The following DHTKD1 variants were observed in gnomAD, a reference collection of about 807,000 sequenced individuals.
DHTKD1 encodes the protein dehydrogenase E1 and transketolase domain containing 1.
A neutral mutation model predicts 101.8 loss-of-function variants in DHTKD1; 78 were observed. The observed-to-expected ratio is 0.77, with a 90% CI of 0.64 to 0.93. The LOEUF (loss-of-function observed/expected upper bound fraction) is 0.93, where lower values mean the gene tolerates loss of function less well. Among genes scored for constraint, DHTKD1 ranks in the 40% least tolerant of loss-of-function variants. The pLI is 0.00. For missense variants in DHTKD1, 1,223 were observed against 1,161.7 expected, an observed-to-expected ratio of 1.05 and a Z score of -0.77; for synonymous variants, 462 against 450.3, an observed-to-expected ratio of 1.03 and a Z score of -0.33.
At chr10:12,083,083 G>A (rs935967017) in intron 2 of DHTKD1, among the ~76,000 whole-genome samples, 6 of 152,062 alleles carry the variant, frequency 3.9e-5, no homozygotes, top group Admixed American at 3.3e-4. Flanking sequence ...GCGTGAAGCC[G>A]GGAAGCGGAG....
Position 12,110,349 on chromosome 10 carries a change from T to C in DHTKD1, c.2154+2334T>C, listed in dbSNP as rs1722463. On this transcript the variant is annotated intron_variant, in intron 12 of 16. Transcript: ENST00000263035. This position sits in a 1 kb window ranked among gnomAD's most constrained non-coding sequence, Gnocchi z 4.9. ...ATTCATAAACTTTCTTAAAACATTA[T>C]TTGTGATTTTTTTTTTTTACCTTAT... 0.88 allele frequency among the ~76,000 whole-genome samples: 134,125 copies of C among 151,986 alleles called. 59,271 individuals are homozygous for C. The highest frequency in any genetic ancestry group is 0.98 in the East Asian group (5,067 of 5,180).
Position 12,089,022 on chromosome 10 carries a change from C to T in DHTKD1, c.754C>T (p.Pro252Ser), listed in dbSNP as rs1366051858. The T allele has an allele frequency of 6.2e-7, 1 of 1,614,028 alleles. No homozygotes were observed. Among genetic ancestry groups the T allele is most frequent in the South Asian group, 1.1e-5 (1 of 91,068 alleles). ...FRKMRGLSEFPENFSATGDVL... is the reference protein window; with the variant it reads ...FRKMRGLSEFSENFSATGDVL... ...TAAAATGCGAGGCTTAAGTGAATTT[C>T]CAGAGAATTTCTCAGCCACTGGAGA... is the stretch of plus-strand genomic sequence containing the variant. Residue 252 changes from proline (P) to serine (S), a missense_variant, in exon 5 of 17, where the codon CCA becomes TCA. By Grantham distance (74) the Pro-to-Ser change is moderately conservative. Coordinates refer to ENST00000263035, the MANE Select transcript of DHTKD1 (RefSeq NM_018706.7).
intron 1 of DHTKD1, among the ~76,000 whole-genome samples, chr10:12,069,556 TC>T (rs1457264709): frequency 7.5e-6 from 1 of 133,442 alleles, no homozygotes; most frequent in Non-Finnish European, 1.6e-5. Context: ...GGAGTCTCGC[TC>T]TGTGGCCCAG....
At chr10:12,074,632 A>T (rs949205656) in intron 1 of DHTKD1, among the ~76,000 whole-genome samples, 2 of 142,838 alleles carry the variant, frequency 1.4e-5, no homozygotes, top group Non-Finnish European at 3.0e-5. Context: ...TGCTGGGATT[A>T]GAGGCGTGAG....
chr10:12,119,615 C>G (rs1467035734), intron 15 of DHTKD1, among the ~76,000 whole-genome samples: 1 of 89,376 alleles, frequency 1.1e-5, no homozygotes, highest in Non-Finnish European at 2.2e-5. Context: ...GACTCCGTCT[C>G]AAAAAAAAAA....
intron 10 of DHTKD1, 62 bp downstream of exon 10, chr10:12,101,243 T>C: frequency 6.5e-7 from 1 of 1,548,608 alleles, no homozygotes; most frequent in Non-Finnish European, 8.7e-7. Flanking sequence ...CCAGGATTCT[T>C]AGAACAAGTA....
At chr10:12,091,328 C>G (rs185184435) in intron 5 of DHTKD1, among the ~76,000 whole-genome samples, 185 bp from the exon 6 acceptor site, 107 of 141,544 alleles carry the variant, frequency 7.6e-4, no homozygotes, top group African/African-American at 2.7e-3. Context: ...AGGAGAATCA[C>G]TTGAACCCGG....
intron 1 of DHTKD1, among the ~76,000 whole-genome samples, chr10:12,071,019 T>G (rs1364719538): frequency 6.6e-6 from 1 of 152,162 alleles, no homozygotes; most frequent in Non-Finnish European, 1.5e-5. Context: ...CCATCAGCTT[T>G]CTAGGTGGAA....
intron 5 of DHTKD1, among the ~76,000 whole-genome samples, chr10:12,090,407 T>TCC (rs755290569): frequency 1.8e-3 from 31 of 17,324 alleles, no homozygotes; most frequent in African/African-American, 2.7e-3. Flanking sequence ...CTTCCTTCCT[T>TCC]TTTTCCTTCC....
intron 1 of DHTKD1, among the ~76,000 whole-genome samples, chr10:12,073,313 A>G (rs1202458295): frequency 6.6e-6 from 1 of 151,838 alleles, no homozygotes; most frequent in Non-Finnish European, 1.5e-5. Flanking sequence ...GATTATAGGC[A>G]TGAGCCACTG....
rs1288679729 is a variant in DHTKD1, at chr10:12,103,491, C to CCGTGTGTG, written c.1896+2310_1896+2311insCGTGTGTG. On this transcript the variant is annotated intron_variant, in intron 10 of 16. Coordinates refer to ENST00000263035, the MANE Select transcript of DHTKD1 (RefSeq NM_018706.7). The surrounding 1 kb of genome is among the most constrained non-coding windows in gnomAD (Gnocchi z 4.8). ...CCCCAACTTCGTTGTACATCTCAAT[C>CCGTGTGTG]TGTGTGTGTGTGTGTGTGTGTGTGT... is the stretch of plus-strand genomic sequence containing the variant. Among the ~76,000 whole-genome samples the CCGTGTGTG allele has an allele frequency of 3.5e-5, 5 of 144,890 alleles. No homozygotes were observed. The highest frequency in any genetic ancestry group is 1.3e-4 in the African/African-American group (5 of 39,254).
chr10:12,120,292 T>C (rs1268725173), intron 16 of DHTKD1, 25 bp downstream of exon 16: 2 of 1,529,860 alleles, frequency 1.3e-6, no homozygotes, highest in Non-Finnish European at 1.8e-6. Flanking sequence ...TCTCTGGTAG[T>C]GTTTTGTGTT....
chr10:12,089,276 T>A (rs761585156), intron 5 of DHTKD1, 21 bp downstream of exon 5: 13 of 1,608,198 alleles, frequency 8.1e-6, no homozygotes, highest in Non-Finnish European at 1.1e-5. Flanking sequence ...CTTCTGAAAT[T>A]GAGGCCAGAG....
chr10:12,083,501 G>T (rs966307263), intron 2 of DHTKD1, among the ~76,000 whole-genome samples: 3 of 152,136 alleles, frequency 2.0e-5, no homozygotes, highest in Admixed American at 2.0e-4. Flanking sequence ...TGGAGAGGCC[G>T]AGGCAAGAGG....
At chr10:12,112,818 T>C (rs1833354616) in intron 12 of DHTKD1, 82 bp from the exon 13 acceptor site, 1 of 1,368,108 alleles carries the variant, frequency 7.3e-7, no homozygotes, top group Non-Finnish European at 9.9e-7. Flanking sequence ...ACACCTGTGT[T>C]TCCCTTTGGC....
chr10:12,090,396 C>G, intron 5 of DHTKD1, among the ~76,000 whole-genome samples: 1 of 134,018 alleles, frequency 7.5e-6, no homozygotes. Context: ...TTTTTTCCTT[C>G]CTTCCTTCCT....
At chr10:12,079,207 C>T (rs1341539672) in intron 1 of DHTKD1, among the ~76,000 whole-genome samples, 1 of 152,144 alleles carries the variant, frequency 6.6e-6, no homozygotes, top group Admixed American at 6.6e-5. Flanking sequence ...CCCTCAGCCT[C>T]TTGGGTAGTT....
rs199541122 is a variant in DHTKD1 at position 12,106,327 on chromosome 10, C to G, written c.1978C>G (p.Leu660Val). 1.2e-6 allele frequency: 2 copies of G among 1,614,176 alleles called. No individual in the cohort carries two copies. The highest frequency in any genetic ancestry group is 1.7e-6 in the Non-Finnish European group (2 of 1,180,030). The part of the protein sequence containing the change: ...MSIESPKLLP[L>V]WEAQFGDFFN... ...CATTGAGAGCCCAAAGTTACTGCCC[C>G]TGTGGGAGGCACAGTTTGGCGATTT... The change falls in exon 11 of 17, where the codon CTG (leucine) becomes GTG (valine). Residue 660 changes from leucine to valine, a missense_variant. By Grantham distance (32) the Leu-to-Val change is conservative. Transcript: ENST00000263035.
At chr10:12,073,512 A>G (rs1832679584) in intron 1 of DHTKD1, among the ~76,000 whole-genome samples, 1 of 151,992 alleles carries the variant, frequency 6.6e-6, no homozygotes, top group African/African-American at 2.4e-5. Flanking sequence ...ATGCCTGGCT[A>G]ATTTTTGTAT....
Sources: gnomAD v4.1 joint callset for allele counts (sites outside exome capture counted in the v4.1 genomes callset) on GRCh38, gnomAD v4.1.1 for gene constraint, Gnocchi (gnomAD v3.1) non-coding constraint, MANE v1.5 for transcripts, NCBI Gene and HGNC (gene_info 2026-07-23, HGNC 2026-07-21) for gene names.